The following GPATCH2 variants were observed in gnomAD, a reference collection of about 807,000 sequenced individuals.
The protein encoded by GPATCH2 is G-patch domain containing 2, also known as G patch domain-containing protein 2.
GPATCH2 carries 51 observed loss-of-function variants against 58.0 expected under a neutral mutation model. The ratio of observed to expected loss-of-function variants is 0.88; its 90% confidence interval spans 0.70 to 1.11. The LOEUF (loss-of-function observed/expected upper bound fraction) is 1.11, where lower values mean the gene tolerates loss of function less well. GPATCH2 is among the 50% of genes most tolerant of loss of function. GPATCH2 has a pLI of 0.00. For synonymous variants in GPATCH2, 222 were observed against 218.5 expected, an observed-to-expected ratio of 1.02 and a Z score of -0.14; for missense variants, 625 against 652.2, an observed-to-expected ratio of 0.96 and a Z score of 0.45.
At chr1:217,547,139 A>G (rs1242759) in intron 5 of GPATCH2, among the ~76,000 whole-genome samples, 120,492 of 152,022 alleles carry the variant, frequency 0.79, 48,449 homozygotes, top group East Asian at 0.93. Context: ...CGAGGCAGGC[A>G]GATCACGAGG....
intron 5 of GPATCH2, among the ~76,000 whole-genome samples, chr1:217,590,991 T>C (rs1346687987): frequency 6.6e-6 from 1 of 152,166 alleles, no homozygotes; most frequent in Non-Finnish European, 1.5e-5. Flanking sequence ...GGCAAAGGCC[T>C]AGAATTGCAA....
chr1:217,595,110 C>T (rs1667764241), intron 5 of GPATCH2, among the ~76,000 whole-genome samples: 1 of 152,136 alleles, frequency 6.6e-6, no homozygotes, highest in Non-Finnish European at 1.5e-5. Context: ...TGAGCAAGCA[C>T]AGTTTTGAGA....
intron 7 of GPATCH2, 110 bp from the exon 8 acceptor site, chr1:217,491,860 G>A (rs1353703812): frequency 1.5e-5 from 6 of 388,416 alleles, no homozygotes; most frequent in African/African-American, 1.2e-4. Context: ...TTATTTGCAC[G>A]GCTTTTTTTT....
chr1:217,500,918 G>A (rs903912135), intron 6 of GPATCH2, among the ~76,000 whole-genome samples: 14 of 151,678 alleles, frequency 9.2e-5, no homozygotes, highest in African/African-American at 2.9e-4. Context: ...GTAGGTTTAC[G>A]TGCAGTTGGT....
chr1:217,519,828 T>C (rs1304556825), intron 5 of GPATCH2, among the ~76,000 whole-genome samples: 1 of 152,214 alleles, frequency 6.6e-6, no homozygotes, highest in African/African-American at 2.4e-5. Flanking sequence ...AATGTACATA[T>C]AAAATTATGC....
At chr1:217,438,602 G>A (rs265136) in intron 9 of GPATCH2, among the ~76,000 whole-genome samples, 27,790 of 151,808 alleles carry the variant, frequency 0.18, 2,921 homozygotes, top group African/African-American at 0.29. Flanking sequence ...TTGATCAAGC[G>A]GAAGAAAATA....
At chr1:217,445,166 A>G (rs961322525) in intron 9 of GPATCH2, among the ~76,000 whole-genome samples, 1 of 152,174 alleles carries the variant, frequency 6.6e-6, no homozygotes, top group African/African-American at 2.4e-5. Context: ...TTTCACTTCT[A>G]TACTTAAAAT....
At chr1:217,544,543 AAACC>A (rs1664932669) in intron 5 of GPATCH2, among the ~76,000 whole-genome samples, 1 of 152,230 alleles carries the variant, frequency 6.6e-6, no homozygotes, top group East Asian at 1.9e-4. Context: ...AATCAGAAGC[AAACC>A]AAGATTTCTC....
chr1:217,629,080 G>T (rs894318501), intron 1 of GPATCH2, among the ~76,000 whole-genome samples: 1 of 151,982 alleles, frequency 6.6e-6, no homozygotes, highest in African/African-American at 2.4e-5. Flanking sequence ...TGTAAAACCT[G>T]GCACCTAATT....
intron 8 of GPATCH2, among the ~76,000 whole-genome samples, chr1:217,454,602 A>AC (rs1212195590): frequency 6.7e-6 from 1 of 150,350 alleles, no homozygotes; most frequent in Non-Finnish European, 1.5e-5. Flanking sequence ...AAAAAAAAAA[A>AC]AAAAAAAACC....
intron 5 of GPATCH2, among the ~76,000 whole-genome samples, chr1:217,555,553 C>G (rs192531095): frequency 1.5e-3 from 228 of 152,142 alleles, no homozygotes; most frequent in African/African-American, 5.2e-3. Context: ...CTCGGGAGCA[C>G]TGTAAGGTAA....
intron 2 of GPATCH2, among the ~76,000 whole-genome samples, chr1:217,615,396 T>C (rs1465516901): frequency 2.6e-5 from 4 of 152,240 alleles, no homozygotes; most frequent in South Asian, 2.1e-4. Context: ...TATTGTACAA[T>C]TGGTAATGAA....
intron 5 of GPATCH2, among the ~76,000 whole-genome samples, chr1:217,584,681 C>G (rs1484763068): frequency 2.0e-5 from 3 of 151,822 alleles, no homozygotes; most frequent in Admixed American, 2.0e-4. Flanking sequence ...AGATACCTAG[C>G]TTCCAAACTA....
intron 8 of GPATCH2, among the ~76,000 whole-genome samples, chr1:217,469,264 C>G (rs1212575122): frequency 6.6e-6 from 1 of 151,964 alleles, no homozygotes; most frequent in Non-Finnish European, 1.5e-5. Context: ...TTGCCTTTTC[C>G]CCAAGCTCGA....
chr1:217,553,724 G>C (rs933103222), intron 5 of GPATCH2, among the ~76,000 whole-genome samples: 3 of 152,154 alleles, frequency 2.0e-5, no homozygotes, highest in African/African-American at 7.2e-5. Flanking sequence ...GGTTTCGATT[G>C]TGAGTCAAGT....
At chr1:217,541,973 A>G (rs1664767962) in intron 5 of GPATCH2, among the ~76,000 whole-genome samples, 1 of 152,188 alleles carries the variant, frequency 6.6e-6, no homozygotes, top group Non-Finnish European at 1.5e-5. Context: ...AGAAAGACCA[A>G]ACATCCCAGT....
At chr1:217,524,260 C>G (rs866740598) in intron 5 of GPATCH2, among the ~76,000 whole-genome samples, 2 of 133,086 alleles carry the variant, frequency 1.5e-5, no homozygotes, top group East Asian at 2.3e-4. Flanking sequence ...ACTTCTCAGA[C>G]GGGGCGGCCG....
At chr1:217,599,709 A>C (rs752211579) in intron 5 of GPATCH2, among the ~76,000 whole-genome samples, 3 of 152,208 alleles carry the variant, frequency 2.0e-5, no homozygotes, top group Non-Finnish European at 4.4e-5. Context: ...CTGAACCAAA[A>C]ACTTTATAGT....
At chr1:217,557,402 C>A (rs1279001664) in intron 5 of GPATCH2, among the ~76,000 whole-genome samples, 1 of 144,674 alleles carries the variant, frequency 6.9e-6, no homozygotes, top group African/African-American at 2.6e-5. Context: ...AGAGTGAAAC[C>A]CCATCTCAAA....
Sources: gnomAD v4.1 joint callset for allele counts (sites outside exome capture counted in the v4.1 genomes callset) on GRCh38, gnomAD v4.1.1 for gene constraint, MANE v1.5 for transcripts, NCBI Gene and HGNC (gene_info 2026-07-23, HGNC 2026-07-21) for gene names.